NEXN: variants seen among roughly 807,000 people sequenced by gnomAD.
NEXN encodes the protein nexilin F-actin binding protein.
Under a neutral mutation model 92.6 loss-of-function variants are expected in NEXN, and 65 were observed. That is an observed-to-expected ratio of 0.70 (90% CI 0.57 to 0.86). The LOEUF (loss-of-function observed/expected upper bound fraction) is 0.86, where lower values mean the gene tolerates loss of function less well. NEXN is among the 40% of genes least tolerant of loss of function. The pLI is 0.00. For synonymous variants in NEXN, 254 were observed against 242.5 expected, an observed-to-expected ratio of 1.05 and a Z score of -0.44; for missense variants, 778 against 771.1, an observed-to-expected ratio of 1.01 and a Z score of -0.11.
At chr1:77,935,777 ACTCT>A in intron 10 of NEXN, 42 bp from the exon 11 acceptor site, 1 of 1,539,264 alleles carries the variant, frequency 6.5e-7, no homozygotes, top group Non-Finnish European at 9.0e-7. Flanking sequence ...ACATAGTGAG[ACTCT>A]CTCAAAAACA....
chr1:77,890,330 CTCA>C (rs1440777746), intron 1 of NEXN, among the ~76,000 whole-genome samples: 1 of 152,094 alleles, frequency 6.6e-6, no homozygotes, highest in Admixed American at 6.5e-5. Context: ...TCCAGTTTTC[CTCA>C]TCATAGTTAC....
chr1:77,892,123 A>T (rs1228812361), intron 1 of NEXN, among the ~76,000 whole-genome samples: 4 of 152,118 alleles, frequency 2.6e-5, no homozygotes, highest in African/African-American at 9.7e-5. Flanking sequence ...CATACTTAAA[A>T]ATTGGTACAT....
At position 77,926,898 on chromosome 1, in the gene NEXN, T is replaced by C; in HGVS notation, c.864+6T>C. 2 of 1,613,700 alleles carry C rather than the reference T, an allele frequency of 1.2e-6. No homozygotes were observed. The highest frequency in any genetic ancestry group is 1.7e-4 in the Middle Eastern group (1 of 6,060). On this transcript the variant is annotated splice_donor_region_variant and intron_variant, in intron 8 of 12. Transcript: ENST00000334785. ...AAGAAGCAAGGCGGCAAATGGTAAA[T>C]CTACATATTTAAACCTTACAATTAA...
At chr1:77,929,245 C>T in intron 8 of NEXN, 71 bp from the exon 9 acceptor site, 2 of 1,149,686 alleles carry the variant, frequency 1.7e-6, no homozygotes, top group East Asian at 4.7e-5. Flanking sequence ...AATTCTGTGC[C>T]TTTTGATTAA....
intron 11 of NEXN, among the ~76,000 whole-genome samples, chr1:77,936,732 ATT>A (rs564513007): frequency 6.6e-6 from 1 of 152,058 alleles, no homozygotes; most frequent in Non-Finnish European, 1.5e-5. Flanking sequence ...AGATCTAGAA[ATT>A]TTTTTTCTGC....
intron 8 of NEXN, among the ~76,000 whole-genome samples, chr1:77,927,526 T>A (rs558333738): frequency 1.3e-5 from 2 of 152,208 alleles, no homozygotes; most frequent in African/African-American, 4.8e-5. Context: ...AATAACAGTT[T>A]ACGGTGGAAT....
chr1:77,917,389 ATAGT>A (rs929704714), intron 2 of NEXN, among the ~76,000 whole-genome samples, 173 bp from the exon 3 acceptor site: 6 of 152,138 alleles, frequency 3.9e-5, no homozygotes, highest in African/African-American at 1.2e-4. Flanking sequence ...GTCATTTTTC[ATAGT>A]TAGGTTTTAG....
chr1:77,934,163 C>T (rs148691704), intron 10 of NEXN, among the ~76,000 whole-genome samples: 1,851 of 152,098 alleles, frequency 0.012, 31 homozygotes, highest in African/African-American at 0.043. Context: ...GCATGTGCCA[C>T]GATGCCCGGC....
chr1:77,919,969 G>A (rs1649294935), intron 5 of NEXN, among the ~76,000 whole-genome samples: 1 of 151,420 alleles, frequency 6.6e-6, no homozygotes, highest in Non-Finnish European at 1.5e-5. Flanking sequence ...GCAAAATCTC[G>A]GCTCACTGCA....
At chr1:77,917,502 T>C (rs1455628352) in intron 2 of NEXN, 64 bp from the exon 3 acceptor site, 1 of 1,181,800 alleles carries the variant, frequency 8.5e-7, no homozygotes, top group African/African-American at 1.5e-5. Flanking sequence ...TTCTTATCTA[T>C]CTTTACCTAA....
At chr1:77,904,588 C>A (rs1174240972) in intron 1 of NEXN, among the ~76,000 whole-genome samples, 3 of 152,108 alleles carry the variant, frequency 2.0e-5, no homozygotes, top group Non-Finnish European at 2.9e-5. Flanking sequence ...TTTAATTGAA[C>A]AAGATACTGG....
chr1:77,925,159 T>C (rs781409682), intron 5 of NEXN, 29 bp from the exon 6 acceptor site: 2 of 1,468,532 alleles, frequency 1.4e-6, no homozygotes, highest in East Asian at 4.5e-5. Context: ...TCTGATGTAA[T>C]GTAATGATAT....
chr1:77,894,163 G>C (rs1647168500), intron 1 of NEXN, among the ~76,000 whole-genome samples: 1 of 151,814 alleles, frequency 6.6e-6, no homozygotes, highest in Admixed American at 6.6e-5. Context: ...CACCATGTTG[G>C]CCAGGCTGGT....
At chr1:77,896,161 A>G (rs1027016022) in intron 1 of NEXN, among the ~76,000 whole-genome samples, 1 of 53,362 alleles carries the variant, frequency 1.9e-5, no homozygotes, top group African/African-American at 7.2e-5. Flanking sequence ...ACACAGTGAG[A>G]CTTTGTCTCA....
In NEXN at chr1:77,917,694, C is replaced by A. The variant is rs371431782; in HGVS notation, c.156C>A (p.Asp52Glu). 3 of 1,610,950 alleles carry A rather than the reference C, an allele frequency of 1.9e-6. No homozygotes were observed. Among genetic ancestry groups the A allele is most frequent in the East Asian group, 2.2e-5 (1 of 44,746 alleles). ...REERNQRRSR[D>E]EKQRRKEQYI... ...AAAGAAATCAAAGGAGATCTAGAGA[C>A]GAAAAACAAAGAAGAAAAGAACAAT... Residue 52 changes from aspartate to glutamate, a missense_variant, in exon 3 of 13, where the codon GAC becomes GAA. Asp to Glu is a conservative substitution (Grantham distance 45, BLOSUM62 2). This residue lies in a region of NEXN where 236 missense variants were observed against 265.6 expected (regional missense o/e 0.89). Transcript: ENST00000334785.
intron 11 of NEXN, among the ~76,000 whole-genome samples, chr1:77,936,956 A>G (rs1650815346): frequency 6.6e-6 from 1 of 152,212 alleles, no homozygotes; most frequent in Non-Finnish European, 1.5e-5. Flanking sequence ...AGCAAAATGA[A>G]GATGCAAGCA....
At chr1:77,908,387 T>G in intron 1 of NEXN, among the ~76,000 whole-genome samples, 1 of 28,920 alleles carries the variant, frequency 3.5e-5, no homozygotes, top group Admixed American at 3.9e-4. Flanking sequence ...ACCCCTCCCC[T>G]ACCTCTATTT....
intron 11 of NEXN, 30 bp downstream of exon 11, chr1:77,936,074 T>C (rs1650737836): frequency 6.9e-7 from 1 of 1,459,570 alleles, no homozygotes; most frequent in Non-Finnish European, 9.6e-7. Flanking sequence ...AACATAGTTA[T>C]GGTACAGTAA....
rs777019202 is a variant in NEXN at position 77,926,837 on chromosome 1, C to T, written c.809C>T (p.Ala270Val). The T allele has an allele frequency of 1.9e-6, 3 of 1,613,878 alleles. No individual in the cohort carries two copies. Among genetic ancestry groups the T allele is most frequent in the Non-Finnish European group, 2.5e-6 (3 of 1,179,968 alleles). Residue 270 changes from alanine to valine, a missense_variant, in exon 8 of 13, where the codon GCA becomes GTA. Physicochemically the swap from Ala to Val is moderately conservative, Grantham distance 64. Transcript: ENST00000334785. ...CGAAAGAAGCAAGCTGAAGAGGAAG[C>T]AAGAAAACGTTTAGAAGAAGAGAAG... Reference protein sequence around the residue: ...ENRKKQAEEEARKRLEEEKRA... With the variant: ...ENRKKQAEEEVRKRLEEEKRA...
Sources: allele counts gnomAD v4.1 joint callset (sites outside exome capture counted in the v4.1 genomes callset), GRCh38; gene constraint gnomAD v4.1.1; regional missense constraint gnomAD v4.1.1; transcripts MANE v1.5; gene names NCBI Gene and HGNC (gene_info 2026-07-23, HGNC 2026-07-21).